Variants in EPHA5 observed in about 807,000 individuals in gnomAD.
EPHA5 encodes the protein EPH receptor A5.
A neutral mutation model predicts 105.0 loss-of-function variants in EPHA5; 60 were observed. The ratio of observed to expected loss-of-function variants is 0.57; its 90% CI spans 0.46 to 0.71. EPHA5 has a LOEUF of 0.71. EPHA5 is among the 30% of genes least tolerant of loss of function. EPHA5 has a pLI of 0.00. For synonymous variants in EPHA5, 513 were observed against 449.1 expected (o/e 1.14, Z -1.80); for missense variants, 1,218 against 1,274.7 (o/e 0.96, Z 0.68).
intron 4 of EPHA5, among the ~76,000 whole-genome samples, chr4:65,492,300 CA>C (rs1731482778): frequency 6.6e-6 from 1 of 151,950 alleles, no homozygotes; most frequent in African/African-American, 2.4e-5. Context: ...CTCCCAGGTT[CA>C]AATGACTCTC....
intron 2 of EPHA5, among the ~76,000 whole-genome samples, chr4:65,616,189 G>A (rs571012893): frequency 3.9e-5 from 6 of 151,954 alleles, no homozygotes; most frequent in African/African-American, 1.4e-4. Context: ...TACACAAAAC[G>A]TTAATACTTT....
At chr4:65,522,635 A>G (rs1321903207) in intron 3 of EPHA5, among the ~76,000 whole-genome samples, 3 of 152,036 alleles carry the variant, frequency 2.0e-5, no homozygotes, top group East Asian at 1.9e-4. Flanking sequence ...CGCTTTCTTA[A>G]CATAAATGTA....
In EPHA5 at chr4:65,445,053, C is replaced by T. The variant is rs182651485; in HGVS notation, c.1403-24488G>A. Among the ~76,000 whole-genome samples the T allele has an allele frequency of 1.4e-4, 21 of 152,100 alleles. No homozygotes were observed. The East Asian group carries it at 2.5e-3, about 18-fold the overall frequency. ...ACTGTGATTTATGTTTTATCCTGCA[C>T]TTCAAAATAAATAAAATACTTCTTT... is the stretch of plus-strand genomic sequence containing the variant. On this transcript the variant is annotated intron_variant, in intron 5 of 16. Transcript: ENST00000613740.
intron 3 of EPHA5, among the ~76,000 whole-genome samples, chr4:65,579,045 A>C (rs1741344256): frequency 6.6e-6 from 1 of 151,992 alleles, no homozygotes; most frequent in South Asian, 2.1e-4. Context: ...AGTGTTTCAA[A>C]ATGTTAATCT....
At position 65,637,773 on chromosome 4, in the gene EPHA5, C is replaced by A. The variant is rs191702303; in HGVS notation, c.246+5590G>T. Among the ~76,000 whole-genome samples the A allele has an allele frequency of 7.7e-4, 117 of 151,702 alleles. 1 individual carries two copies. The highest frequency in any genetic ancestry group is 2.7e-3 in the African/African-American group (113 of 41,418). Reference sequence around the variant, plus strand: ...AGAAAACTGTAAGTAATTTATGCCCCATTTTATAAATAAAAAATAAGTTAT... The same window carrying A: ...AGAAAACTGTAAGTAATTTATGCCCAATTTTATAAATAAAAAATAAGTTAT... On this transcript the variant is annotated intron_variant, in intron 2 of 16. Coordinates refer to ENST00000613740, the MANE Select transcript of EPHA5 (RefSeq NM_001281766.3).
chr4:65,614,364 T>C (rs1472617595), intron 2 of EPHA5, among the ~76,000 whole-genome samples: 3 of 151,966 alleles, frequency 2.0e-5, no homozygotes, highest in Admixed American at 6.6e-5. Flanking sequence ...CTAGTTATAG[T>C]AAAGAAACAG....
intron 1 of EPHA5, among the ~76,000 whole-genome samples, chr4:65,649,298 C>A (rs964641677): frequency 1.3e-5 from 2 of 152,186 alleles, no homozygotes; most frequent in African/African-American, 4.8e-5. Flanking sequence ...ACCTAAACAT[C>A]AGATCACTTT....
At chr4:65,662,433 C>G (rs1749631143) in intron 1 of EPHA5, among the ~76,000 whole-genome samples, 2 of 152,108 alleles carry the variant, frequency 1.3e-5, no homozygotes, top group East Asian at 3.9e-4. Flanking sequence ...CAGAAGATGG[C>G]CTGGGCAATA....
intron 3 of EPHA5, among the ~76,000 whole-genome samples, chr4:65,597,315 A>G (rs573036163): frequency 3.9e-4 from 59 of 152,310 alleles, no homozygotes; most frequent in African/African-American, 1.3e-3. Flanking sequence ...CTTGCCTTGC[A>G]TCTAAGTAAG....
chr4:65,336,299 T>C (rs1318139327), intron 14 of EPHA5, among the ~76,000 whole-genome samples, 174 bp from the exon 15 acceptor site: 1 of 152,042 alleles, frequency 6.6e-6, no homozygotes, highest in African/African-American at 2.4e-5. Context: ...AAATACAACA[T>C]AAAATAAATA....
Position 65,669,770 on chromosome 4 carries a change from G to A in EPHA5, c.-28C>T, listed in dbSNP as rs2149572705. The A allele has an allele frequency of 1.6e-6, 2 of 1,248,936 alleles. No individual in the cohort carries two copies. Among genetic ancestry groups the A allele is most frequent in the Non-Finnish European group, 2.0e-6 (2 of 996,422 alleles). The allele number at this position is 1,248,936 out of a possible 1,614,324, so 77.4% of individuals were successfully genotyped here. Reference sequence around the variant, plus strand: ...TCTCCGAGCCTCCTCCGGTGCCGCTGTCCCGAGCGGCTCAGTCCACCGCTT... The same window carrying A: ...TCTCCGAGCCTCCTCCGGTGCCGCTATCCCGAGCGGCTCAGTCCACCGCTT... On this transcript the variant is annotated 5_prime_UTR_variant, in exon 1 of 17. Coordinates refer to ENST00000613740, the MANE Select transcript of EPHA5 (RefSeq NM_001281766.3).
At chr4:65,559,758 C>T (rs1213503162) in intron 3 of EPHA5, among the ~76,000 whole-genome samples, 2 of 152,008 alleles carry the variant, frequency 1.3e-5, no homozygotes, top group South Asian at 2.1e-4. Context: ...TTCAGGGACC[C>T]TTAGTCTGAA....
chr4:65,638,091 A>G (rs1484207279), intron 2 of EPHA5, among the ~76,000 whole-genome samples: 1 of 152,214 alleles, frequency 6.6e-6, no homozygotes, highest in Non-Finnish European at 1.5e-5. Context: ...AAACATATCC[A>G]TTCTTAAGGC....
At chr4:65,667,803 G>A (rs947770634) in intron 1 of EPHA5, among the ~76,000 whole-genome samples, 1 of 152,114 alleles carries the variant, frequency 6.6e-6, no homozygotes, top group Non-Finnish European at 1.5e-5. Context: ...CACACCTGGA[G>A]AGAGGACTTG....
chr4:65,542,850 C>A (rs1294330763), intron 3 of EPHA5, among the ~76,000 whole-genome samples: 2 of 151,852 alleles, frequency 1.3e-5, no homozygotes, highest in South Asian at 2.1e-4. Context: ...TCAAATTCAG[C>A]AGCACATGAA....
intron 3 of EPHA5, among the ~76,000 whole-genome samples, chr4:65,572,705 A>G (rs1740319512): frequency 6.6e-6 from 1 of 152,224 alleles, no homozygotes. Flanking sequence ...ACAAGAGAGC[A>G]TGTCCTTTAC....
In EPHA5 at chr4:65,333,670, C is replaced by T. The variant is rs1720904063; in HGVS notation, c.2790-1542G>A. Among the ~76,000 whole-genome samples, 4 of 143,138 alleles carry T rather than the reference C, an allele frequency of 2.8e-5. No individual in the cohort carries two copies. In the Admixed American group the frequency reaches 2.9e-4, roughly 10 times the overall value. 93.9% of individuals were successfully genotyped at this position (143,138 alleles called of 152,430 possible). Reference sequence around the variant, plus strand: ...AACTCTAAGGGAGCCAGGACTTGGCCCTATATTTTTCTATTTAGGCTATAA... The same window carrying T: ...AACTCTAAGGGAGCCAGGACTTGGCTCTATATTTTTCTATTTAGGCTATAA... On this transcript the variant is annotated intron_variant, in intron 15 of 16. Transcript: ENST00000613740.
intron 15 of EPHA5, 57 bp from the exon 16 acceptor site, chr4:65,332,185 G>A: frequency 2.2e-6 from 3 of 1,392,748 alleles, no homozygotes; most frequent in Non-Finnish European, 2.9e-6. Flanking sequence ...TTATAACAAA[G>A]TTTACTATAA....
intron 3 of EPHA5, among the ~76,000 whole-genome samples, chr4:65,546,228 A>C (rs897764832): frequency 6.6e-6 from 1 of 151,994 alleles, no homozygotes; most frequent in African/African-American, 2.4e-5. Flanking sequence ...CTCAATTCTC[A>C]TAATATTTCA....
Sources: gnomAD v4.1 joint callset for allele counts (sites outside exome capture counted in the v4.1 genomes callset) on GRCh38, gnomAD v4.1.1 for gene constraint, MANE v1.5 for transcripts, NCBI Gene and HGNC (gene_info 2026-07-23, HGNC 2026-07-21) for gene names.